The following TMEM63C variants were observed in gnomAD, a reference collection of about 807,000 sequenced individuals.
The protein encoded by TMEM63C is osmosensitive cation channel TMEM63C.
TMEM63C carries 32 observed loss-of-function variants against 99.2 expected under a neutral mutation model. The ratio of observed to expected loss-of-function variants is 0.32; its 90% confidence interval spans 0.24 to 0.43. The LOEUF is 0.43. Among genes scored for constraint, TMEM63C ranks in the 20% least tolerant of loss-of-function variants. The pLI is 1.00. For missense variants in TMEM63C, 826 were observed against 1,053.0 expected (o/e 0.78, Z 2.98); for synonymous variants, 376 against 397.9 (o/e 0.94, Z 0.66).
Position 77,239,746 on chromosome 14 carries a change from G to C in TMEM63C, c.930+20G>C, listed in dbSNP as rs751554224. ...AAGGAGGTAACTGGCTTGAGCGTTG[G>C]GAGCACAGCAAGGGAGCGGTGGGGT... On this transcript the variant is annotated intron_variant, in intron 12 of 23. Coordinates refer to ENST00000298351, the MANE Select transcript of TMEM63C (RefSeq NM_020431.4). The C allele has an allele frequency of 6.2e-7, 1 of 1,611,532 alleles. No individual in the cohort carries two copies. Among genetic ancestry groups the C allele is most frequent in the Non-Finnish European group, 8.5e-7 (1 of 1,179,100 alleles).
In TMEM63C at chr14:77,249,412, A is replaced by G. The variant is rs142687690; in HGVS notation, c.1992A>G (p.Pro664=). The change falls in exon 21 of 24, where the codon CCA becomes CCG. Residue 664 remains proline (P), a synonymous_variant. Transcript: ENST00000298351. Reference sequence around the variant, plus strand: ...CCGTCTCCCAGGCCATCTTTGCGCCACTCTTGGGTCTGTTCTGGATGCTGT... The same window carrying G: ...CCGTCTCCCAGGCCATCTTTGCGCCGCTCTTGGGTCTGTTCTGGATGCTGT... ...MAAVSQAIFA[P]LLGLFWMLFF... is the part of the protein sequence containing the mutation. 2.9e-4 allele frequency: 461 copies of G among 1,613,638 alleles called. 1 individual carries two copies. The African/African-American group carries it at 5.3e-3, about 18-fold the overall frequency.
rs749902866 is a variant in TMEM63C at position 77,220,035 on chromosome 14, G to C, written c.260G>C (p.Ser87Thr). 1 of 1,562,060 alleles carries C rather than the reference G, an allele frequency of 6.4e-7. No individual in the cohort carries two copies. Among genetic ancestry groups the C allele is most frequent in the South Asian group, 1.2e-5 (1 of 84,530 alleles). ...ACCTCGCTGATCTATGGGGAGCAGA[G>C]CGAGAAGACATCTCCCTCGGAGACT... ...SLTSLIYGEQ[S>T]EKTSPSETSL... is the part of the protein sequence containing the mutation. The change falls in exon 5 of 24, where the codon AGC becomes ACC. Residue 87 changes from serine (S) to threonine (T), a missense_variant. By Grantham distance (58) the Ser-to-Thr change is moderately conservative. Coordinates refer to ENST00000298351, the MANE Select transcript of TMEM63C (RefSeq NM_020431.4).
intron 1 of TMEM63C, among the ~76,000 whole-genome samples, chr14:77,186,753 G>A (rs1888000889): frequency 6.9e-6 from 1 of 144,178 alleles, no homozygotes; most frequent in South Asian, 2.3e-4. Flanking sequence ...CTGGCAGAGG[G>A]GGAATCTTCT....
At chr14:77,221,056 A>T (rs1227347927) in intron 5 of TMEM63C, among the ~76,000 whole-genome samples, 1 of 928 alleles carries the variant, frequency 1.1e-3, no homozygotes, top group African/African-American at 2.4e-3. Context: ...CCTCACACTC[A>T]CGCCTCCCCT....
chr14:77,218,123 G>T (rs1385038385), intron 2 of TMEM63C, among the ~76,000 whole-genome samples: 1 of 151,878 alleles, frequency 6.6e-6, no homozygotes, highest in Non-Finnish European at 1.5e-5. Flanking sequence ...TGCTCGAAAG[G>T]ATGGATACCT....
intron 1 of TMEM63C, among the ~76,000 whole-genome samples, chr14:77,207,158 C>A (rs1888416065): frequency 6.6e-6 from 1 of 152,182 alleles, no homozygotes; most frequent in South Asian, 2.1e-4. Context: ...GGTCCAGGGT[C>A]TGGAGGACAA....
chr14:77,238,600 C>T (rs1889103225), intron 9 of TMEM63C, 94 bp from the exon 10 acceptor site: 8 of 990,562 alleles, frequency 8.1e-6, no homozygotes, highest in Admixed American at 4.0e-5. Context: ...CTGCTGTGAG[C>T]AGAAGGCCTG....
chr14:77,243,228 A>C (rs1889211983), intron 15 of TMEM63C, among the ~76,000 whole-genome samples, 172 bp downstream of exon 15: 1 of 152,092 alleles, frequency 6.6e-6, no homozygotes, highest in Non-Finnish European at 1.5e-5. Flanking sequence ...TTTGTTCTAA[A>C]GGGATGAAGG....
At position 77,225,468 on chromosome 14, in the gene TMEM63C, G is replaced by A. The variant is rs1449421280; in HGVS notation, c.350+7G>A. 2.5e-6 allele frequency: 4 copies of A among 1,612,984 alleles called. No individual in the cohort carries two copies. The highest frequency in any genetic ancestry group is 3.4e-6 in the Non-Finnish European group (4 of 1,179,524). On this transcript the variant is annotated splice_region_variant and intron_variant, in intron 6 of 23. Transcript: ENST00000298351. ...TCAACAGCATAACAATGAAGTAAGT[G>A]CCCGGGCTCTGTGAGCTTGTGACCG... is the stretch of plus-strand genomic sequence containing the variant.
chr14:77,243,140 CT>C, intron 15 of TMEM63C, 84 bp downstream of exon 15: 1 of 1,511,660 alleles, frequency 6.6e-7, no homozygotes, highest in Non-Finnish European at 8.9e-7. Context: ...GGGGAGCCCC[CT>C]GGGAGGGGGC....
At chr14:77,198,323 C>A (rs146403179) in intron 1 of TMEM63C, among the ~76,000 whole-genome samples, 3 of 152,320 alleles carry the variant, frequency 2.0e-5, no homozygotes, top group East Asian at 3.9e-4. Flanking sequence ...GCCCCTCTGG[C>A]GGAAGAGAGG....
chr14:77,232,347 G>A (rs428599), intron 7 of TMEM63C, among the ~76,000 whole-genome samples: 9,808 of 152,158 alleles, frequency 0.064, 409 homozygotes, highest in Admixed American at 0.1. Flanking sequence ...GAGTGCAATG[G>A]CGCGATCTCA....
intron 2 of TMEM63C, among the ~76,000 whole-genome samples, chr14:77,214,874 C>T (rs569426068): frequency 5.2e-4 from 79 of 152,290 alleles, no homozygotes; most frequent in African/African-American, 1.6e-3. Flanking sequence ...ACTTACTAGC[C>T]GTCCACAATT....
rs1354841700 is a variant in TMEM63C at position 77,257,366 on chromosome 14, C to G, written c.*640C>G. 1 of 152,418 alleles carries G rather than the reference C, an allele frequency of 6.6e-6. No homozygotes were observed. Among genetic ancestry groups the G allele is most frequent in the East Asian group, 1.9e-4 (1 of 5,204 alleles). The allele number at this position is 152,418 out of a possible 1,614,324, so 9.4% of individuals were successfully genotyped here. A position where few individuals can be genotyped will look rare whatever the true frequency, so the allele number is the denominator to read the frequency against. On this transcript the variant is annotated 3_prime_UTR_variant, in exon 24 of 24. Coordinates refer to ENST00000298351, the MANE Select transcript of TMEM63C (RefSeq NM_020431.4). ...CCCCTTCCTGCTCCTCTGCCCTCAT[C>G]AGATGTCCCCAGGAGCAGCAGGGCA... is the stretch of plus-strand genomic sequence containing the variant.
intron 1 of TMEM63C, among the ~76,000 whole-genome samples, chr14:77,199,504 T>TC (rs1888262731): frequency 6.6e-6 from 1 of 152,148 alleles, no homozygotes; most frequent in Non-Finnish European, 1.5e-5. Flanking sequence ...ACTCTCTGTT[T>TC]CCCTCTTCCT....
Position 77,242,952 on chromosome 14 carries a change from A to G in TMEM63C, c.1237A>G (p.Ile413Val), listed in dbSNP as rs370102625. ...RFFWWARFIA[I>V]NTFLFFLFFF... ...CTTTTGGTGGGCCCGCTTTATCGCA[A>G]TCAACACCTTCCTCTTCTTCCTCTT... Residue 413 changes from isoleucine to valine, a missense_variant, in exon 15 of 24, where the codon ATC becomes GTC. Transcript: ENST00000298351. The G allele has an allele frequency of 8.7e-6, 14 of 1,613,940 alleles. No individual in the cohort carries two copies. In the East Asian group the frequency reaches 2.5e-4, roughly 28 times the overall value.
chr14:77,258,839 A>C lies in TMEM63C; in HGVS notation c.*2113A>C, dbSNP rs1889525759. 6.6e-6 allele frequency: 1 copy of C among 152,326 alleles called. No homozygotes were observed. The highest frequency in any genetic ancestry group is 6.5e-5 in the Admixed American group (1 of 15,292). The allele number at this position is 152,326 out of a possible 1,614,324, so 9.4% of individuals were successfully genotyped here. A position where few individuals can be genotyped will look rare whatever the true frequency, so the allele number is the denominator to read the frequency against. On this transcript the variant is annotated 3_prime_UTR_variant, in exon 24 of 24. Transcript: ENST00000298351. The stretch of plus-strand genomic sequence containing the variant: ...CGGACTGTGGAAGCCACATATGGGA[A>C]AAGTCCTGGCAGACAATGTGGCGGG...
chr14:77,219,715 C>A, intron 4 of TMEM63C, 138 bp downstream of exon 4: 1 of 888,618 alleles, frequency 1.1e-6, no homozygotes, highest in Non-Finnish European at 1.8e-6. Flanking sequence ...GCTCTGCCCT[C>A]CCTGCAGGAA....
rs909282623 is a variant in TMEM63C at position 77,257,005 on chromosome 14, G to C, written c.*279G>C. 12 of 412,738 alleles carry C rather than the reference G, an allele frequency of 2.9e-5. No homozygotes were observed. The highest frequency in any genetic ancestry group is 4.8e-5 in the Non-Finnish European group (11 of 228,122). The allele number at this position is 412,738 out of a possible 1,614,324, so 25.6% of individuals were successfully genotyped here. Reference sequence around the variant, plus strand: ...GAGAGGTGGCTGGAGCCCCGGCACAGAGACTGAACGCTGGGGTCCCTTCCT... The same window carrying C: ...GAGAGGTGGCTGGAGCCCCGGCACACAGACTGAACGCTGGGGTCCCTTCCT... On this transcript the variant is annotated 3_prime_UTR_variant, in exon 24 of 24. Transcript: ENST00000298351.
Sources: gnomAD v4.1 joint callset for allele counts (sites outside exome capture counted in the v4.1 genomes callset) on GRCh38, gnomAD v4.1.1 for gene constraint, MANE v1.5 for transcripts, NCBI Gene and HGNC (gene_info 2026-07-23, HGNC 2026-07-21) for gene names.